Variants in UBR4 observed in about 807,000 individuals in gnomAD.
UBR4 encodes ubiquitin protein ligase E3 component n-recognin 4, also known as E3 ubiquitin-protein ligase UBR4.
Under a neutral mutation model 575.6 loss-of-function variants are expected in UBR4, and 124 were observed. That is an observed-to-expected ratio of 0.22 (90% CI 0.19 to 0.25). UBR4 has a LOEUF of 0.25. Ranked by LOEUF, UBR4 falls within the 10% of genes least tolerant of loss-of-function variation. The pLI is 1.00. For missense variants in UBR4, 4,818 were observed against 6,478.8 expected, an observed-to-expected ratio of 0.74 and a Z score of 8.80; for synonymous variants, 2,455 against 2,473.7, an observed-to-expected ratio of 0.99 and a Z score of 0.22.
intron 60 of UBR4, among the ~76,000 whole-genome samples, chr1:19,132,338 C>G (rs1427606411): frequency 6.6e-6 from 1 of 151,762 alleles, no homozygotes; most frequent in Non-Finnish European, 1.5e-5. Flanking sequence ...CACGCCACCA[C>G]ACAAGGCTAA....
intron 26 of UBR4, 81 bp downstream of exon 26, chr1:19,170,681 G>C (rs2089386173): frequency 6.3e-7 from 1 of 1,581,954 alleles, no homozygotes. Flanking sequence ...AACGCCAGTA[G>C]GCACCAAGGG....
At chr1:19,154,551 C>A (rs562626583) in intron 44 of UBR4, among the ~76,000 whole-genome samples, 348 of 152,282 alleles carry the variant, frequency 2.3e-3, no homozygotes, top group African/African-American at 7.4e-3. Flanking sequence ...CAGAGTAAGT[C>A]TCCCCAGGAG....
rs2078488202 is a variant in UBR4 at position 19,100,216 on chromosome 1, G to T, written c.13221+160C>A. Reference sequence around the variant, plus strand: ...GTTATTAACCTTAGCACTAGGTGAGGTAGAAAGGTGGGAATCATTAACCCC... The same window carrying T: ...GTTATTAACCTTAGCACTAGGTGAGTTAGAAAGGTGGGAATCATTAACCCC... On this transcript the variant is annotated intron_variant, in intron 89 of 105. Transcript: ENST00000375254. The surrounding 1 kb of genome is among the most constrained non-coding windows in gnomAD (Gnocchi z 4.2). 3 of 707,846 alleles carry T rather than the reference G, an allele frequency of 4.2e-6. No individual in the cohort carries two copies. Among genetic ancestry groups the T allele is most frequent in the Non-Finnish European group, 7.2e-6 (3 of 418,610 alleles). 43.8% of individuals were successfully genotyped at this position (707,846 alleles called of 1,614,324 possible). A position where few individuals can be genotyped will look rare whatever the true frequency, so the allele number is the denominator to read the frequency against.
chr1:19,140,491 C>A (rs149290299), intron 58 of UBR4, among the ~76,000 whole-genome samples: 1 of 152,216 alleles, frequency 6.6e-6, no homozygotes, highest in Non-Finnish European at 1.5e-5. Flanking sequence ...TGACAAAGAA[C>A]GCTGGAAGCT....
In UBR4 at chr1:19,184,046, T is replaced by C; in HGVS notation, c.2068A>G (p.Ile690Val). ...EHHMATLASI[I>V]KEVDKDGLKG... Reference sequence around the variant, plus strand: ...AGTCCATCTTTGTCCACCTCCTTGATGATACTGGCTAGGGTGGCCATATGG... The same window carrying C: ...AGTCCATCTTTGTCCACCTCCTTGACGATACTGGCTAGGGTGGCCATATGG... The change falls in exon 16 of 106, where the codon ATC becomes GTC. Residue 690 changes from isoleucine to valine, a missense_variant. Coordinates refer to ENST00000375254, the MANE Select transcript of UBR4 (RefSeq NM_020765.3). 1 of 1,614,160 alleles carries C rather than the reference T, an allele frequency of 6.2e-7. No individual in the cohort carries two copies. Among genetic ancestry groups the C allele is most frequent in the Non-Finnish European group, 8.5e-7 (1 of 1,180,002 alleles).
intron 105 of UBR4, among the ~76,000 whole-genome samples, chr1:19,075,678 T>C (rs577563580): frequency 5.9e-5 from 9 of 152,274 alleles, no homozygotes; most frequent in South Asian, 2.1e-4. Flanking sequence ...GGGCAGCCAA[T>C]GCGGAGGCAC....
intron 92 of UBR4, 88 bp from the exon 93 acceptor site, chr1:19,095,740 C>A: frequency 8.2e-7 from 1 of 1,218,658 alleles, no homozygotes; most frequent in Non-Finnish European, 1.2e-6. Context: ...TAAGCAGGGT[C>A]TACACCATCA....
chr1:19,178,106 A>C (rs534670608), intron 18 of UBR4, among the ~76,000 whole-genome samples: 24 of 152,316 alleles, frequency 1.6e-4, no homozygotes, highest in African/African-American at 5.5e-4. Flanking sequence ...TCTGATTAAC[A>C]AACTTGGACA....
At chr1:19,122,243 G>A (rs957930906) in intron 66 of UBR4, among the ~76,000 whole-genome samples, 1 of 152,132 alleles carries the variant, frequency 6.6e-6, no homozygotes, top group African/African-American at 2.4e-5. Context: ...CCATCCCCAC[G>A]CAAGGCGCTG....
In UBR4 at chr1:19,117,074, T is replaced by G; in HGVS notation, c.10823+147A>C. On this transcript the variant is annotated intron_variant, in intron 73 of 105. Transcript: ENST00000375254. The surrounding 1 kb of genome is among the most constrained non-coding windows in gnomAD (Gnocchi z 4.0). ...CATGCTTAGAACTGTTGTTTCACTT[T>G]TGTCCTTTGGTCATGAATGGAGGGG... is the stretch of plus-strand genomic sequence containing the variant. 1 of 818,754 alleles carries G rather than the reference T, an allele frequency of 1.2e-6. No homozygotes were observed. Among genetic ancestry groups the G allele is most frequent in the East Asian group, 2.5e-5 (1 of 39,750 alleles). 50.7% of individuals were successfully genotyped at this position (818,754 alleles called of 1,614,324 possible).
At chr1:19,087,082 A>G (rs2077085280) in intron 99 of UBR4, among the ~76,000 whole-genome samples, 1 of 152,264 alleles carries the variant, frequency 6.6e-6, no homozygotes. Flanking sequence ...AGGCATACAC[A>G]TAAGCAAGCC....
chr1:19,076,933 G>T, intron 104 of UBR4, 31 bp from the exon 105 acceptor site: 1 of 1,522,790 alleles, frequency 6.6e-7, no homozygotes, highest in South Asian at 1.3e-5. Context: ...CAAGAGAGGT[G>T]GGTGACTTAC....
rs946828599 is a variant in UBR4, at chr1:19,164,928, G to A, written c.4382C>T (p.Pro1461Leu). ...GGTGAGCCAGGCCTGCAGGCGCACA[G>A]GTTCCACACAGGCCAGTTGTGCCAG... ...GSLAQLACVEPVRLQAWLTRM... is the reference protein window; with the variant it reads ...GSLAQLACVELVRLQAWLTRM... The change falls in exon 32 of 106, where the codon CCT (proline) becomes CTT (leucine). Residue 1461 changes from proline (P) to leucine (L), a missense_variant. Pro to Leu is a moderately conservative substitution (Grantham distance 98). Around this residue, in one of 29 missense-constraint regions of UBR4, gnomAD observed 1,172 missense variants for 1,259.7 expected, o/e 0.93. Transcript: ENST00000375254. 2.5e-6 allele frequency: 4 copies of A among 1,614,204 alleles called. No individual in the cohort carries two copies. The highest frequency in any genetic ancestry group is 1.7e-5 in the Admixed American group (1 of 60,024).
rs374046477 is a variant in UBR4 at position 19,096,657 on chromosome 1, G to A, written c.13391-7C>T. ...TCTTCATCTTCTTCTTCATCTAGGG[G>A]AGAAGGGAAGCCAAGCAGAAATGGA... On this transcript the variant is annotated splice_region_variant and splice_polypyrimidine_tract_variant and intron_variant, in intron 91 of 105. Transcript: ENST00000375254. 34 of 1,613,336 alleles carry A rather than the reference G, an allele frequency of 2.1e-5. No homozygotes were observed. The highest frequency in any genetic ancestry group is 2.4e-5 in the Non-Finnish European group (28 of 1,179,712).
In UBR4 at chr1:19,126,473, G is replaced by T; in HGVS notation, c.9411C>A (p.Ser3137Arg). The change falls in exon 64 of 106, where the codon AGC becomes AGA. Residue 3137 changes from serine to arginine, a missense_variant. By Grantham distance (110) the Ser-to-Arg change is moderately radical (BLOSUM62 -1). Around this residue, in one of 29 missense-constraint regions of UBR4, gnomAD observed 550 missense variants for 791.5 expected, o/e 0.69. Transcript: ENST00000375254. ...TCACATACTGGCGGAGAAAGAATGG[G>T]CTCATGTCAGGTGGGGAGGAGGTAG... ...PHTTSSPPDM[S>R]PFFLRQYVKG... 2 of 1,614,178 alleles carry T rather than the reference G, an allele frequency of 1.2e-6. No homozygotes were observed. Among genetic ancestry groups the T allele is most frequent in the Non-Finnish European group, 1.7e-6 (2 of 1,180,026 alleles).
At chr1:19,125,360 T>C (rs1235716116) in intron 64 of UBR4, among the ~76,000 whole-genome samples, 1 of 152,196 alleles carries the variant, frequency 6.6e-6, no homozygotes, top group Non-Finnish European at 1.5e-5. Flanking sequence ...TGGTTTCTGC[T>C]GAGAGTGTAG....
At chr1:19,183,683 C>T in intron 17 of UBR4, 128 bp downstream of exon 17, 1 of 925,166 alleles carries the variant, frequency 1.1e-6, no homozygotes, top group Non-Finnish European at 1.7e-6. Flanking sequence ...GACCGTGTCA[C>T]TGCACTCCAG....
At chr1:19,162,739 G>T in intron 34 of UBR4, 128 bp from the exon 35 acceptor site, 1 of 1,182,628 alleles carries the variant, frequency 8.5e-7, no homozygotes, top group Non-Finnish European at 1.1e-6. Flanking sequence ...GAAAAACAGT[G>T]TGTTTTTATT....
chr1:19,112,319 T>C (rs950104598), intron 78 of UBR4: 8 of 571,664 alleles, frequency 1.4e-5, no homozygotes, highest in Non-Finnish European at 2.1e-5. Flanking sequence ...AAGCCAATCA[T>C]GCCATTTACA....
Sources: allele counts gnomAD v4.1 joint callset (sites outside exome capture counted in the v4.1 genomes callset), GRCh38; gene constraint gnomAD v4.1.1; regional missense constraint gnomAD v4.1.1; non-coding constraint Gnocchi (gnomAD v3.1); transcripts MANE v1.5; gene names NCBI Gene and HGNC (gene_info 2026-07-23, HGNC 2026-07-21).